ELMO1: variants seen among roughly 807,000 people sequenced by gnomAD.
ELMO1 encodes engulfment and cell motility 1.
ELMO1 carries 26 observed loss-of-function variants against 98.9 expected under a neutral mutation model. The observed-to-expected ratio is 0.26, with a 90% CI of 0.19 to 0.36. The LOEUF is 0.36. ELMO1 is among the 10% of genes least tolerant of loss of function. ELMO1 has a pLI of 1.00. For synonymous variants in ELMO1, 346 were observed against 346.0 expected (o/e 1.00, Z 0.00); for missense variants, 627 against 935.2 (o/e 0.67, Z 4.30).
At chr7:37,362,039 A>C (rs183949658) in intron 1 of ELMO1, among the ~76,000 whole-genome samples, 2 of 152,308 alleles carry the variant, frequency 1.3e-5, no homozygotes, top group African/African-American at 4.8e-5. Flanking sequence ...GGAACTTTTC[A>C]GGGTGATGAA....
chr7:37,235,242 A>T (rs1794397671), intron 7 of ELMO1, among the ~76,000 whole-genome samples: 1 of 152,214 alleles, frequency 6.6e-6, no homozygotes, highest in Non-Finnish European at 1.5e-5. Context: ...CAAAATAAAA[A>T]AAAGAAGAAG....
intron 21 of ELMO1, among the ~76,000 whole-genome samples, chr7:36,858,995 T>G (rs1424862324): frequency 6.6e-6 from 1 of 152,162 alleles, no homozygotes; most frequent in African/African-American, 2.4e-5. Context: ...ATACATAAAG[T>G]TATAACCAGC....
chr7:37,407,494 T>A (rs1282041788), intron 1 of ELMO1, among the ~76,000 whole-genome samples: 10 of 131,086 alleles, frequency 7.6e-5, no homozygotes, highest in African/African-American at 2.6e-4. Context: ...GGCGAAAGAG[T>A]GAAACTCCAT....
At chr7:36,864,060 G>A (rs899496862) in intron 20 of ELMO1, among the ~76,000 whole-genome samples, 1 of 152,160 alleles carries the variant, frequency 6.6e-6, no homozygotes, top group Admixed American at 6.5e-5. Flanking sequence ...AACAGGAAAA[G>A]GTAAAGTTCA....
At position 36,939,961 on chromosome 7, in the gene ELMO1, G is replaced by A. The variant is rs1427876884; in HGVS notation, c.1438-44944C>T. ...CACACACCTTATCCTTACATGTGACGTGTGCTCAATAAATACTGGTTGGTT... is the reference window on the plus strand; with the variant it reads ...CACACACCTTATCCTTACATGTGACATGTGCTCAATAAATACTGGTTGGTT... On this transcript the variant is annotated intron_variant, in intron 16 of 21. Transcript: ENST00000310758. 2.6e-5 allele frequency among the ~76,000 whole-genome samples: 4 copies of A among 152,230 alleles called. No individual in the cohort carries two copies. In the South Asian group the frequency reaches 6.2e-4, roughly 24 times the overall value.
chr7:37,385,910 C>T (rs931131635), intron 1 of ELMO1, among the ~76,000 whole-genome samples: 3 of 152,210 alleles, frequency 2.0e-5, no homozygotes, highest in African/African-American at 7.2e-5. Flanking sequence ...TGCCAATTCC[C>T]CAGGAAGTCC....
intron 13 of ELMO1, 148 bp downstream of exon 13, chr7:37,211,238 T>C: frequency 3.6e-6 from 4 of 1,125,406 alleles, no homozygotes; most frequent in African/African-American, 1.6e-5. Context: ...CATGTGATCC[T>C]GTTTAAACCA....
At chr7:37,206,960 C>T (rs1004652712) in intron 13 of ELMO1, among the ~76,000 whole-genome samples, 4 of 151,464 alleles carry the variant, frequency 2.6e-5, no homozygotes, top group African/African-American at 9.7e-5. Context: ...AGATGAACTA[C>T]AGACATCTCC....
At chr7:37,359,517 T>C (rs1801618404) in intron 1 of ELMO1, among the ~76,000 whole-genome samples, 2 of 151,956 alleles carry the variant, frequency 1.3e-5, no homozygotes, top group African/African-American at 4.8e-5. Flanking sequence ...TATTAAAGAG[T>C]GTACATAGAT....
chr7:37,014,456 G>A, intron 15 of ELMO1, among the ~76,000 whole-genome samples: 1 of 151,964 alleles, frequency 6.6e-6, no homozygotes, highest in East Asian at 1.9e-4. Flanking sequence ...TAATTTCTGG[G>A]ATACAAGTGC....
intron 16 of ELMO1, among the ~76,000 whole-genome samples, chr7:36,914,583 G>A (rs907210971): frequency 6.7e-6 from 1 of 149,974 alleles, no homozygotes; most frequent in South Asian, 2.1e-4. Context: ...GCCTGATCTC[G>A]GCTCACTGCA....
rs530592070 is a variant in ELMO1, at chr7:37,271,703, T to G, written c.243+129A>C. 25 of 926,734 alleles carry G rather than the reference T, an allele frequency of 2.7e-5. 1 individual carries two copies. In the African/African-American group the frequency reaches 3.8e-4, roughly 14 times the overall value. The allele number at this position is 926,734 out of a possible 1,614,324, so 57.4% of individuals were successfully genotyped here. On this transcript the variant is annotated intron_variant, in intron 5 of 21. Transcript: ENST00000310758. ...CATTCCTGCTAATCCAGAATCTGCA[T>G]GTCAGGACATTCTGGAAGCCTTTTG...
In ELMO1 at chr7:36,863,002, T is replaced by A. The variant is rs549391658; in HGVS notation, c.1906-1266A>T. On this transcript the variant is annotated intron_variant, in intron 20 of 21. Coordinates refer to ENST00000310758, the MANE Select transcript of ELMO1 (RefSeq NM_014800.11). ...AAAGAATTATTCCAAAGTGGCTGCA[T>A]CCCTGTCCTGACACAGTCCATCATC... Among the ~76,000 whole-genome samples, 424 of 152,320 alleles carry A rather than the reference T, an allele frequency of 2.8e-3. 4 individuals carry two copies. The highest frequency in any genetic ancestry group is 0.01 in the Middle Eastern group (3 of 294).
intron 4 of ELMO1, among the ~76,000 whole-genome samples, chr7:37,292,681 C>G (rs1373414506): frequency 9.4e-6 from 1 of 106,544 alleles, no homozygotes; most frequent in African/African-American, 3.0e-5. Context: ...GCAGCCACCC[C>G]GTCTGGGAAG....
intron 4 of ELMO1, among the ~76,000 whole-genome samples, chr7:37,292,668 C>CTGG: frequency 1.8e-5 from 2 of 110,364 alleles, no homozygotes; most frequent in Non-Finnish European, 2.1e-5. Flanking sequence ...GCCCCTCCGC[C>CTGG]CAGCAGCCAC....
intron 14 of ELMO1, among the ~76,000 whole-genome samples, chr7:37,126,300 AATATAT>A (rs201860679): frequency 0.021 from 2,766 of 134,104 alleles, 93 homozygotes; most frequent in African/African-American, 0.068. Context: ...GTATAATTTA[AATATAT>A]ATATATATAT....
At chr7:37,408,207 T>C (rs1406592896) in intron 1 of ELMO1, among the ~76,000 whole-genome samples, 2 of 152,160 alleles carry the variant, frequency 1.3e-5, no homozygotes, top group Non-Finnish European at 2.9e-5. Flanking sequence ...CTGAAAGCAA[T>C]AGAAAGCCTG....
chr7:37,063,014 C>T (rs1172393487), intron 15 of ELMO1, among the ~76,000 whole-genome samples: 1 of 152,204 alleles, frequency 6.6e-6, no homozygotes, highest in Non-Finnish European at 1.5e-5. Flanking sequence ...CTCCCCTACA[C>T]ATGCAGGCCC....
rs370733752 is a variant in ELMO1, at chr7:36,944,009, G to C, written c.1438-48992C>G. Among the ~76,000 whole-genome samples the C allele has an allele frequency of 1.7e-4, 26 of 152,334 alleles. 1 individual carries two copies. The highest frequency in any genetic ancestry group is 1.2e-3 in the Admixed American group (19 of 15,308). On this transcript the variant is annotated intron_variant, in intron 16 of 21. Transcript: ENST00000310758. ...AGAAAAGAACAGGGAGAGTAAGAGA[G>C]CAAGATGGAGGTGGGGAGTACCACA...
Sources: allele counts gnomAD v4.1 joint callset (sites outside exome capture counted in the v4.1 genomes callset), GRCh38; gene constraint gnomAD v4.1.1; transcripts MANE v1.5; gene names NCBI Gene and HGNC (gene_info 2026-07-23, HGNC 2026-07-21).